Variants in GTPBP6 observed in about 807,000 individuals in gnomAD.
GTPBP6 encodes GTP binding protein 6.
In GTPBP6, 33 loss-of-function variants were observed where a neutral mutation model predicts 28.9. That is an observed-to-expected ratio of 1.14 (90% CI 0.87 to 1.53). GTPBP6 has a LOEUF of 1.53. GTPBP6 is among the 40% of genes most tolerant of loss of function. The pLI is 0.00. For synonymous variants in GTPBP6, 231 were observed against 192.7 expected (o/e 1.20, Z -1.65); for missense variants, 507 against 408.3 (o/e 1.24, Z -2.08).
chrX:309,688 C>A (rs1379574485), intron 7 of GTPBP6, among the ~76,000 whole-genome samples: 1 of 150,416 alleles, frequency 6.6e-6, no homozygotes, highest in East Asian at 2.0e-4. Flanking sequence ...CCTGGAGCCC[C>A]CAGGAGCTGG....
intron 9 of GTPBP6, among the ~76,000 whole-genome samples, chrX:306,185 T>A (rs1228892785): frequency 6.6e-6 from 1 of 152,148 alleles, no homozygotes; most frequent in Non-Finnish European, 1.5e-5. Flanking sequence ...AGGCACCTGT[T>A]GTATGCAGTC....
chrX:314,880 C>A lies in GTPBP6; in HGVS notation c.689+10G>T, dbSNP rs1393992619. ...GTGACGCTCGGCGCGGCCCAGGGGCCCCACGATACCTGTGCAGCGGCATCT... is the reference window on the plus strand; with the variant it reads ...GTGACGCTCGGCGCGGCCCAGGGGCACCACGATACCTGTGCAGCGGCATCT... On this transcript the variant is annotated intron_variant, in intron 4 of 9. Coordinates refer to ENST00000326153, the Ensembl canonical transcript of GTPBP6. 2 of 398,998 alleles carry A rather than the reference C, an allele frequency of 5.0e-6. No individual in the cohort carries two copies. Among genetic ancestry groups the A allele is most frequent in the African/African-American group, 4.1e-5 (2 of 48,630 alleles). The allele number at this position is 398,998 out of a possible 1,614,324, so 24.7% of individuals were successfully genotyped here. A position where few individuals can be genotyped will look rare whatever the true frequency, so the allele number is the denominator to read the frequency against.
intron 9 of GTPBP6, among the ~76,000 whole-genome samples, chrX:306,220 GCGCAGATTAGGCACCTGTTGTA>G (rs2070159885): frequency 6.6e-6 from 1 of 151,724 alleles, no homozygotes; most frequent in African/African-American, 2.4e-5. Context: ...TGACTGTCAA[GCGCAGATTAGGCACCTGTTGTA>G]TGCAGTCAGA....
intron 2 of GTPBP6, among the ~76,000 whole-genome samples, chrX:315,594 C>T (rs2070417302): frequency 1.4e-5 from 2 of 147,184 alleles, no homozygotes; most frequent in African/African-American, 5.0e-5. Context: ...ACAGTAAATA[C>T]ATCCCGACAG....
At chrX:305,155 G>A (rs1482767641) in exon 10 of GTPBP6, 1 of 1,613,590 alleles carries the variant, frequency 6.2e-7, no homozygotes, top group African/African-American at 1.3e-5. Context: ...CGTCCTCAGG[G>A]ATCACGTCCA....
intron 9 of GTPBP6, among the ~76,000 whole-genome samples, chrX:305,681 G>A (rs1371372915): frequency 6.8e-6 from 1 of 148,050 alleles, no homozygotes; most frequent in Non-Finnish European, 1.5e-5. Context: ...CTGGGGTGCA[G>A]TGGCACGATC....
intron 3 of GTPBP6, 76 bp downstream of exon 3, chrX:315,153 G>A (rs2070406014): frequency 2.6e-6 from 1 of 385,048 alleles, no homozygotes; most frequent in South Asian, 1.4e-4. Context: ...TCCCCCGCCT[G>A]GCCGGACGCC....
intron 4 of GTPBP6, among the ~76,000 whole-genome samples, 155 bp downstream of exon 4, chrX:314,735 C>G (rs1430286729): frequency 6.6e-6 from 1 of 152,144 alleles, no homozygotes; most frequent in African/African-American, 2.4e-5. Context: ...CTCGGCCTCC[C>G]AAAGTGCTGG....
At chrX:306,840 T>G (rs1197977455) in intron 9 of GTPBP6, among the ~76,000 whole-genome samples, 2 of 150,806 alleles carry the variant, frequency 1.3e-5, no homozygotes, top group African/African-American at 4.9e-5. Flanking sequence ...ATGTATATTT[T>G]GAGTGTCAGC....
intron 6 of GTPBP6, chrX:312,436 G>C (rs771166045): frequency 3.6e-6 from 2 of 553,716 alleles, no homozygotes; most frequent in Non-Finnish European, 3.4e-6. Flanking sequence ...AGTGGGGATG[G>C]TCTAGACAGG....
At chrX:310,794 G>A (rs1316744000) in intron 7 of GTPBP6, among the ~76,000 whole-genome samples, 2 of 151,896 alleles carry the variant, frequency 1.3e-5, no homozygotes, top group East Asian at 3.9e-4. Context: ...TGGTTCCTGT[G>A]GTTTCTGGCC....
intron 1 of GTPBP6, among the ~76,000 whole-genome samples, chrX:318,199 T>C (rs1438189142): frequency 6.7e-6 from 1 of 148,166 alleles, no homozygotes; most frequent in Non-Finnish European, 1.5e-5. Context: ...CATCGCCAGC[T>C]ATGATTCTCC....
Position 312,882 on chromosome X carries a change from TTCTCTCTC to T in GTPBP6, c.792_799del (p.Arg265GlyfsTer183). The T allele has an allele frequency of 6.2e-7, 1 of 1,612,740 alleles. No homozygotes were observed. The highest frequency in any genetic ancestry group is 8.5e-7 in the Non-Finnish European group (1 of 1,179,374). On this transcript the variant is annotated frameshift_variant, in exon 6 of 10. Coordinates refer to ENST00000326153, the Ensembl canonical transcript of GTPBP6. LOFTEE classifies it high-confidence loss of function. ...CAAGGCCTTCCTGATCTTGGCCTCC[TTCTCTCTC>T]AGGAGACGCTGCTGCAGCTGCATGA...
At chrX:316,610 G>A (rs2070445180) in intron 2 of GTPBP6, among the ~76,000 whole-genome samples, 1 of 152,172 alleles carries the variant, frequency 6.6e-6, no homozygotes, top group African/African-American at 2.4e-5. Context: ...GGGGCCTGCA[G>A]GGGCAGGTGG....
chrX:307,615 C>T, intron 8 of GTPBP6, 103 bp from the exon 9 acceptor site: 2 of 1,446,924 alleles, frequency 1.4e-6, no homozygotes, highest in Non-Finnish European at 9.3e-7. Flanking sequence ...TCTGGGGCCA[C>T]TCCCTGTGTC....
chrX:314,253 A>ACG (rs752910754), intron 4 of GTPBP6, 36 bp from the exon 5 acceptor site: 1 of 1,556,700 alleles, frequency 6.4e-7, no homozygotes, highest in African/African-American at 1.4e-5. Context: ...GTCTCTGCGG[A>ACG]CGCTGTCTCC....
At chrX:310,342 A>T (rs1556030968) in intron 7 of GTPBP6, among the ~76,000 whole-genome samples, 11,783 of 59,260 alleles carry the variant, frequency 0.2, 183 homozygotes, top group Middle Eastern at 0.33. Flanking sequence ...TGATGCGGCC[A>T]CAAGCCCAGG....
Position 315,029 on chromosome X carries a change from G to A in GTPBP6, c.559-9C>T, listed in dbSNP as rs2070403558. On this transcript the variant is annotated splice_polypyrimidine_tract_variant and intron_variant, in intron 3 of 9. Coordinates refer to ENST00000326153, the Ensembl canonical transcript of GTPBP6. ...GCGGCTTCCAGTTCTTTCTGCAAAA[G>A]GAGAGAGCAACTGAGAAGCCACGGG... 1.5e-5 allele frequency: 6 copies of A among 398,566 alleles called. No individual in the cohort carries two copies. The allele number at this position is 398,566 out of a possible 1,614,324, so 24.7% of individuals were successfully genotyped here.
At chrX:307,926 T>C (rs28594653) in intron 7 of GTPBP6, 46 bp from the exon 8 acceptor site, 690,924 of 1,431,020 alleles carry the variant, frequency 0.48, 170,517 homozygotes, top group East Asian at 0.73. Context: ...CTCTGGTCCC[T>C]GACCCCAAGC....
Sources: allele counts gnomAD v4.1 joint callset (sites outside exome capture counted in the v4.1 genomes callset), GRCh38; gene constraint gnomAD v4.1.1; transcripts MANE v1.5; gene names NCBI Gene and HGNC (gene_info 2026-07-23, HGNC 2026-07-21).